The following SH3RF3 variants were observed in gnomAD, a reference collection of about 807,000 sequenced individuals.
SH3RF3 encodes the protein SH3 domain containing ring finger 3.
SH3RF3 carries 29 observed loss-of-function variants against 66.3 expected under a neutral mutation model. The observed-to-expected ratio is 0.44, with a 90% CI of 0.33 to 0.60. SH3RF3 has a LOEUF of 0.60. Among genes scored for constraint, SH3RF3 ranks in the 20% least tolerant of loss-of-function variants. SH3RF3 has a pLI of 0.04. For synonymous variants in SH3RF3, 583 were observed against 532.0 expected (o/e 1.10, Z -1.32); for missense variants, 1,194 against 1,190.9 (o/e 1.00, Z -0.04).
intron 1 of SH3RF3, among the ~76,000 whole-genome samples, chr2:109,314,245 C>G (rs879447556): frequency 1.3e-5 from 2 of 152,114 alleles, no homozygotes; most frequent in Non-Finnish European, 2.9e-5. Flanking sequence ...ATGCTGCCTG[C>G]TTGAGAAAGC....
intron 1 of SH3RF3, among the ~76,000 whole-genome samples, chr2:109,322,153 G>A (rs1682040950): frequency 1.3e-5 from 2 of 152,172 alleles, no homozygotes; most frequent in South Asian, 2.1e-4. Context: ...GAGGAAGAGA[G>A]AGACAAGACA....
At chr2:109,148,647 G>A (rs913359231) in intron 1 of SH3RF3, among the ~76,000 whole-genome samples, 5 of 152,338 alleles carry the variant, frequency 3.3e-5, no homozygotes, top group South Asian at 2.1e-4. Flanking sequence ...AAGCCACAGC[G>A]TTTAAAAATG....
At chr2:109,338,701 G>T (rs1284252883) in intron 1 of SH3RF3, among the ~76,000 whole-genome samples, 1 of 152,156 alleles carries the variant, frequency 6.6e-6, no homozygotes, top group Non-Finnish European at 1.5e-5. Context: ...GTGACTACAG[G>T]CATGCGCCAC....
At chr2:109,197,564 G>A (rs1324939503) in intron 1 of SH3RF3, among the ~76,000 whole-genome samples, 3 of 152,226 alleles carry the variant, frequency 2.0e-5, no homozygotes, top group Non-Finnish European at 4.4e-5. Context: ...GGCCGGGGAG[G>A]GGTGGGAGGC....
chr2:109,270,455 T>C (rs575691836), intron 1 of SH3RF3, among the ~76,000 whole-genome samples: 1 of 152,290 alleles, frequency 6.6e-6, no homozygotes, highest in East Asian at 1.9e-4. Context: ...ACATTTCTTC[T>C]TGTTTCCACT....
chr2:109,139,833 T>A (rs1280353716), intron 1 of SH3RF3, among the ~76,000 whole-genome samples: 1 of 152,210 alleles, frequency 6.6e-6, no homozygotes, highest in Non-Finnish European at 1.5e-5. Context: ...CAAAGACCAA[T>A]GTGTCCATTG....
chr2:109,347,776 A>G lies in SH3RF3; in HGVS notation c.676A>G (p.Lys226Glu), dbSNP rs1238629759. ...GGGGGACATCATCGTCCTGCGGCGC[A>G]AGGTGGATGAACAGTGGTACCACGG... is the stretch of plus-strand genomic sequence containing the variant. ...NKGDIIVLRR[K>E]VDEQWYHGEL... Residue 226 changes from lysine to glutamate, a missense_variant, in exon 2 of 10, where the codon AAG (lysine) becomes GAG (glutamate). Transcript: ENST00000309415. 1 of 1,613,990 alleles carries G rather than the reference A, an allele frequency of 6.2e-7. No individual in the cohort carries two copies. The highest frequency in any genetic ancestry group is 1.7e-5 in the Admixed American group (1 of 60,030).
intron 1 of SH3RF3, among the ~76,000 whole-genome samples, chr2:109,142,047 G>GC (rs1330271934): frequency 4.0e-5 from 6 of 151,270 alleles, no homozygotes; most frequent in South Asian, 4.2e-4. Flanking sequence ...GTCTCCTGGG[G>GC]GGGGGGTCTC....
intron 5 of SH3RF3, among the ~76,000 whole-genome samples, chr2:109,428,442 C>T (rs10197129): frequency 0.015 from 2,310 of 152,320 alleles, 62 homozygotes; most frequent in African/African-American, 0.053. Flanking sequence ...CATGCCATGC[C>T]CAGCTGGGTC....
At chr2:109,388,804 C>T (rs1675900334) in intron 3 of SH3RF3, among the ~76,000 whole-genome samples, 1 of 151,202 alleles carries the variant, frequency 6.6e-6, no homozygotes, top group Non-Finnish European at 1.5e-5. Context: ...CTTTGTTCTC[C>T]TAGGGTTGCT....
chr2:109,199,155 C>G (rs898170996), intron 1 of SH3RF3, among the ~76,000 whole-genome samples: 1 of 151,652 alleles, frequency 6.6e-6, no homozygotes, highest in Non-Finnish European at 1.5e-5. Flanking sequence ...GTCAGGAGAT[C>G]GAGACCATCC....
chr2:109,239,345 A>G (rs1326223069), intron 1 of SH3RF3, among the ~76,000 whole-genome samples: 4 of 152,210 alleles, frequency 2.6e-5, no homozygotes, highest in Non-Finnish European at 5.9e-5. Context: ...TTAAGATTCA[A>G]TGGGTCATTT....
intron 1 of SH3RF3, among the ~76,000 whole-genome samples, chr2:109,329,495 T>C (rs1355739234): frequency 6.6e-6 from 1 of 152,222 alleles, no homozygotes; most frequent in East Asian, 1.9e-4. Context: ...TTTCCCTCTG[T>C]GCTGGCTGGA....
Position 109,361,178 on chromosome 2 carries a change from C to T in SH3RF3, c.850-10408C>T, listed in dbSNP as rs1683045089. On this transcript the variant is annotated intron_variant, in intron 2 of 9. Coordinates refer to ENST00000309415, the MANE Select transcript of SH3RF3 (RefSeq NM_001099289.3). ...CCTTGCATACCTGGGATAAATTCCA[C>T]TTGGCTGTGGTATATAATTCTTTTT... Among the ~76,000 whole-genome samples, 3 of 152,134 alleles carry T rather than the reference C, an allele frequency of 2.0e-5. No individual in the cohort carries two copies. In the South Asian group the frequency reaches 6.2e-4, roughly 32 times the overall value.
chr2:109,274,794 C>T (rs903946882), intron 1 of SH3RF3, among the ~76,000 whole-genome samples: 7 of 151,976 alleles, frequency 4.6e-5, no homozygotes, highest in Admixed American at 1.3e-4. Flanking sequence ...ATGAATTTTG[C>T]ATCAATAAAA....
chr2:109,338,131 G>A (rs1025425311), intron 1 of SH3RF3, among the ~76,000 whole-genome samples: 2 of 152,136 alleles, frequency 1.3e-5, no homozygotes, highest in Non-Finnish European at 2.9e-5. Context: ...TTCCCGAGTC[G>A]GAAGTTATTT....
chr2:109,437,685 G>A (rs1677443002), intron 7 of SH3RF3, among the ~76,000 whole-genome samples: 1 of 151,452 alleles, frequency 6.6e-6, no homozygotes, highest in South Asian at 2.1e-4. Flanking sequence ...AGGAATGACA[G>A]CTGTTGATCC....
In SH3RF3 at chr2:109,237,236, A is replaced by G. The variant is rs576118104; in HGVS notation, c.573+107123A>G. On this transcript the variant is annotated intron_variant, in intron 1 of 9. Coordinates refer to ENST00000309415, the MANE Select transcript of SH3RF3 (RefSeq NM_001099289.3). Reference sequence around the variant, plus strand: ...AAACCAGACCACCAGCAAAGAATGTATAGAAATAAGTCAGTAGAGGAACTG... The same window carrying G: ...AAACCAGACCACCAGCAAAGAATGTGTAGAAATAAGTCAGTAGAGGAACTG... Among the ~76,000 whole-genome samples, 25 of 152,380 alleles carry G rather than the reference A, an allele frequency of 1.6e-4. No homozygotes were observed. In the South Asian group the frequency reaches 5.0e-3, roughly 30 times the overall value.
intron 1 of SH3RF3, among the ~76,000 whole-genome samples, chr2:109,179,574 A>G (rs1206292770): frequency 2.0e-5 from 3 of 152,228 alleles, no homozygotes; most frequent in African/African-American, 7.2e-5. Context: ...AGAACATGGT[A>G]CTGGCATCTG....
Sources: allele counts gnomAD v4.1 joint callset (sites outside exome capture counted in the v4.1 genomes callset), GRCh38; gene constraint gnomAD v4.1.1; transcripts MANE v1.5; gene names NCBI Gene and HGNC (gene_info 2026-07-23, HGNC 2026-07-21).